Variants in SUCLG2 observed in about 807,000 individuals in gnomAD.
The protein encoded by SUCLG2 is succinate--CoA ligase [GDP-forming] subunit beta, mitochondrial.
A neutral mutation model predicts 47.9 loss-of-function variants in SUCLG2; 42 were observed. The ratio of observed to expected loss-of-function variants is 0.88; its 90% confidence interval spans 0.69 to 1.14. The LOEUF is 1.14. Among genes scored for constraint, SUCLG2 ranks in the 50% most tolerant of loss-of-function variants. The pLI is 0.00. For synonymous variants in SUCLG2, 195 were observed against 197.3 expected (o/e 0.99, Z 0.10); for missense variants, 571 against 525.9 (o/e 1.09, Z -0.84).
chr3:67,598,462 T>A (rs905495896), intron 2 of SUCLG2, among the ~76,000 whole-genome samples: 3 of 152,136 alleles, frequency 2.0e-5, no homozygotes, highest in Non-Finnish European at 4.4e-5. Flanking sequence ...TCCAAGTCTG[T>A]CCCAGGCAAA....
At chr3:67,474,213 T>C (rs944480526) in intron 9 of SUCLG2, among the ~76,000 whole-genome samples, 1 of 151,648 alleles carries the variant, frequency 6.6e-6, no homozygotes, top group Non-Finnish European at 1.5e-5. Flanking sequence ...TGAGCCGAGA[T>C]TGCGCCACTG....
In SUCLG2 at chr3:67,494,051, A is replaced by C. The variant is rs142628136; in HGVS notation, c.1062+1747T>G. On this transcript the variant is annotated intron_variant, in intron 9 of 10. Coordinates refer to ENST00000307227, the MANE Select transcript of SUCLG2 (RefSeq NM_003848.4). The stretch of plus-strand genomic sequence containing the variant: ...TGTTTTGTGAGTCAGAAGAAAAGAC[A>C]AGCAAAAACATAAGGCCACCAACTA... Among the ~76,000 whole-genome samples the C allele has an allele frequency of 7.2e-5, 11 of 152,322 alleles. No individual in the cohort carries two copies. The East Asian group carries it at 2.1e-3, about 29-fold the overall frequency.
At chr3:67,433,801 T>TAA (rs74541880) in intron 9 of SUCLG2, among the ~76,000 whole-genome samples, 233 of 135,046 alleles carry the variant, frequency 1.7e-3, no homozygotes, top group Middle Eastern at 7.3e-3. Flanking sequence ...CGGGATTTAG[T>TAA]AAAAAAAAAA....
intron 9 of SUCLG2, among the ~76,000 whole-genome samples, chr3:67,467,768 G>A (rs1267308904): frequency 6.6e-6 from 1 of 151,806 alleles, no homozygotes; most frequent in Non-Finnish European, 1.5e-5. Context: ...CTGCTGAGTT[G>A]TTTCTATTAA....
intron 2 of SUCLG2, among the ~76,000 whole-genome samples, chr3:67,577,448 G>C (rs979431753): frequency 6.6e-6 from 1 of 152,060 alleles, no homozygotes; most frequent in African/African-American, 2.4e-5. Context: ...ATGAGCTAGA[G>C]AGAAAAAAAA....
intron 9 of SUCLG2, among the ~76,000 whole-genome samples, chr3:67,438,215 G>A (rs1031389717): frequency 1.6e-4 from 25 of 152,200 alleles, no homozygotes; most frequent in African/African-American, 5.8e-4. Context: ...AGAATCTTTG[G>A]GACACAGCTA....
chr3:67,582,468 T>C (rs1208858875), intron 2 of SUCLG2, among the ~76,000 whole-genome samples: 2 of 152,198 alleles, frequency 1.3e-5, no homozygotes, highest in Non-Finnish European at 2.9e-5. Flanking sequence ...TATGGTGGCA[T>C]AGTATTCCAT....
At chr3:67,394,223 C>T (rs147084252) in intron 10 of SUCLG2, among the ~76,000 whole-genome samples, 2,229 of 151,992 alleles carry the variant, frequency 0.015, 30 homozygotes, top group South Asian at 0.043. Context: ...CAAACTACTC[C>T]GAGCTACAGG....
chr3:67,540,920 C>T (rs1015303209), intron 2 of SUCLG2, among the ~76,000 whole-genome samples: 3 of 152,226 alleles, frequency 2.0e-5, no homozygotes, highest in Admixed American at 6.5e-5. Flanking sequence ...CTGTAGTGGA[C>T]CGCCAGCAAA....
chr3:67,471,632 G>A (rs1373737274), intron 9 of SUCLG2, among the ~76,000 whole-genome samples: 5 of 152,196 alleles, frequency 3.3e-5, no homozygotes, highest in Non-Finnish European at 7.3e-5. Flanking sequence ...ACAAAAAGGT[G>A]TGGGAGAGAA....
At chr3:67,495,664 A>AG in intron 9 of SUCLG2, 134 bp downstream of exon 9, 1 of 1,122,376 alleles carries the variant, frequency 8.9e-7, no homozygotes, top group East Asian at 2.5e-5. Context: ...AAAAAAAAAA[A>AG]AAAGATAGAA....
intron 9 of SUCLG2, among the ~76,000 whole-genome samples, chr3:67,433,920 T>A (rs1038544453): frequency 5.3e-5 from 8 of 152,144 alleles, no homozygotes; most frequent in Non-Finnish European, 1.2e-4. Flanking sequence ...GCTTAATTTC[T>A]GTTCACAAAA....
intron 2 of SUCLG2, among the ~76,000 whole-genome samples, chr3:67,594,488 C>T (rs761402444): frequency 2.0e-5 from 3 of 152,148 alleles, no homozygotes; most frequent in Admixed American, 1.3e-4. Flanking sequence ...ATGACTGGCT[C>T]GTGTTCATCC....
intron 4 of SUCLG2, among the ~76,000 whole-genome samples, chr3:67,523,404 T>C (rs1479871398): frequency 1.3e-5 from 2 of 152,168 alleles, no homozygotes; most frequent in African/African-American, 4.8e-5. Context: ...ACAGAACCAT[T>C]CTGATTTCAA....
At chr3:67,592,743 A>AAAAAAAAAAAAAAC (rs1559587055) in intron 2 of SUCLG2, among the ~76,000 whole-genome samples, 2 of 148,484 alleles carry the variant, frequency 1.3e-5, no homozygotes, top group African/African-American at 5.1e-5. Context: ...AAAACAACAA[A>AAAAAAAAAAAAAAC]AAAAAACTGA....
chr3:67,589,605 A>G (rs1245422688), intron 2 of SUCLG2, among the ~76,000 whole-genome samples: 5 of 152,190 alleles, frequency 3.3e-5, no homozygotes, highest in African/African-American at 9.7e-5. Context: ...TGCCATGCAC[A>G]TTCCCCAGAA....
intron 10 of SUCLG2, among the ~76,000 whole-genome samples, chr3:67,392,560 G>A (rs948409739): frequency 2.0e-5 from 3 of 152,264 alleles, no homozygotes; most frequent in African/African-American, 7.2e-5. Flanking sequence ...CTAGGATAAT[G>A]TGAGTAATTG....
chr3:67,473,630 G>A (rs1451744253), intron 9 of SUCLG2, among the ~76,000 whole-genome samples: 1 of 152,034 alleles, frequency 6.6e-6, no homozygotes, highest in Non-Finnish European at 1.5e-5. Flanking sequence ...TTTAGAGGGA[G>A]TTTTATTTGA....
chr3:67,628,474 G>A (rs894948544), intron 1 of SUCLG2, among the ~76,000 whole-genome samples: 6 of 152,186 alleles, frequency 3.9e-5, no homozygotes, highest in Non-Finnish European at 5.9e-5. Flanking sequence ...AACTTCCATC[G>A]AAGAGAAGGG....
Sources: allele counts gnomAD v4.1 joint callset (sites outside exome capture counted in the v4.1 genomes callset), GRCh38; gene constraint gnomAD v4.1.1; transcripts MANE v1.5; gene names NCBI Gene and HGNC (gene_info 2026-07-23, HGNC 2026-07-21).